Variants in RAPGEF5 observed in about 807,000 individuals in gnomAD.
The protein encoded by RAPGEF5 is Rap guanine nucleotide exchange factor 5, also known as M-Ras-regulated GEF.
A neutral mutation model predicts 125.2 loss-of-function variants in RAPGEF5; 65 were observed. The observed-to-expected ratio is 0.52, with a 90% CI of 0.43 to 0.64. RAPGEF5 has a LOEUF of 0.64. Ranked by LOEUF, RAPGEF5 falls within the 30% of genes least tolerant of loss-of-function variation. The pLI is 0.00. For synonymous variants in RAPGEF5, 391 were observed against 385.9 expected (o/e 1.01, Z -0.16); for missense variants, 958 against 1,048.1 (o/e 0.91, Z 1.19).
At chr7:22,248,442 C>T (rs904605540) in intron 7 of RAPGEF5, among the ~76,000 whole-genome samples, 2 of 152,150 alleles carry the variant, frequency 1.3e-5, no homozygotes, top group Non-Finnish European at 2.9e-5. Flanking sequence ...GTCCAAACTT[C>T]CAGACTGGGT....
At chr7:22,124,570 A>G (rs1037823139) in intron 25 of RAPGEF5, among the ~76,000 whole-genome samples, 3 of 152,230 alleles carry the variant, frequency 2.0e-5, no homozygotes, top group African/African-American at 7.2e-5. Context: ...TGAACAGAAA[A>G]AAATTCTTAA....
Position 22,301,488 on chromosome 7 carries a change from G to A in RAPGEF5, c.680+6851C>T, listed in dbSNP as rs367771586. On this transcript the variant is annotated intron_variant, in intron 5 of 25. Coordinates refer to ENST00000665637, the MANE Select transcript of RAPGEF5 (RefSeq NM_012294.5). ...AAATTAGCTGGGCGTGGTGGCGGGC[G>A]CCTGTAGTCCCAGCTACTTGAGAGG... Among the ~76,000 whole-genome samples the A allele has an allele frequency of 6.5e-4, 99 of 151,962 alleles. 2 individuals carry two copies. Among genetic ancestry groups the A allele is most frequent in the African/African-American group, 2.2e-3 (92 of 41,462 alleles).
chr7:22,156,130 C>T (rs1243049915), intron 16 of RAPGEF5, among the ~76,000 whole-genome samples: 4 of 152,162 alleles, frequency 2.6e-5, no homozygotes, highest in Admixed American at 6.5e-5. Flanking sequence ...AATGATCACA[C>T]TCAGAATTTC....
At chr7:22,160,482 T>C (rs1783951471) in intron 14 of RAPGEF5, 36 bp downstream of exon 14, 1 of 1,524,818 alleles carries the variant, frequency 6.6e-7, no homozygotes, top group Admixed American at 2.1e-5. Context: ...TGCTGTTTTC[T>C]TTCATTAACT....
chr7:22,220,929 G>C (rs1355980245), intron 8 of RAPGEF5, among the ~76,000 whole-genome samples: 1 of 152,120 alleles, frequency 6.6e-6, no homozygotes, highest in East Asian at 1.9e-4. Context: ...ATACAGCAAA[G>C]GGGCCGGCAA....
chr7:22,251,452 C>G (rs1459223178), intron 7 of RAPGEF5, among the ~76,000 whole-genome samples: 1 of 152,146 alleles, frequency 6.6e-6, no homozygotes, highest in Non-Finnish European at 1.5e-5. Flanking sequence ...ATCACAGATT[C>G]ATCTGGGAAG....
intron 1 of RAPGEF5, among the ~76,000 whole-genome samples, chr7:22,327,561 C>T (rs1019869326): frequency 6.6e-6 from 1 of 152,206 alleles, no homozygotes; most frequent in African/African-American, 2.4e-5. Context: ...ATCCTCTCCT[C>T]CCGGGAGGCA....
rs1011798914 is a variant in RAPGEF5, at chr7:22,357,131, G to T, written c.-71C>A. On this transcript the variant is annotated 5_prime_UTR_variant, in exon 1 of 26. Coordinates refer to ENST00000665637, the MANE Select transcript of RAPGEF5 (RefSeq NM_012294.5). The stretch of plus-strand genomic sequence containing the variant: ...GCCTCCGCGCGCCGTCCGCGCCTTC[G>T]CCAGGAAGCGAGAGGGCGCGACTGC... The T allele has an allele frequency of 7.0e-6, 6 of 858,594 alleles. No homozygotes were observed. Among genetic ancestry groups the T allele is most frequent in the African/African-American group, 5.5e-5 (3 of 54,394 alleles). 53.2% of individuals were successfully genotyped at this position (858,594 alleles called of 1,614,324 possible). A position where few individuals can be genotyped will look rare whatever the true frequency, so the allele number is the denominator to read the frequency against.
intron 19 of RAPGEF5, among the ~76,000 whole-genome samples, chr7:22,146,386 G>A (rs1783439871): frequency 6.6e-6 from 1 of 152,070 alleles, no homozygotes; most frequent in Non-Finnish European, 1.5e-5. Context: ...GTTATAATCT[G>A]TCCTCAAGTG....
At chr7:22,326,477 C>A (rs917689104) in intron 1 of RAPGEF5, among the ~76,000 whole-genome samples, 1 of 152,166 alleles carries the variant, frequency 6.6e-6, no homozygotes, top group African/African-American at 2.4e-5. Context: ...CTATCTGGAC[C>A]TTTACAGAAA....
At chr7:22,163,401 A>G (rs1282605828) in intron 12 of RAPGEF5, among the ~76,000 whole-genome samples, 2 of 152,222 alleles carry the variant, frequency 1.3e-5, no homozygotes, top group East Asian at 3.8e-4. Context: ...TGCACAATGT[A>G]TTGTTGAGTA....
At chr7:22,340,336 C>T (rs12531676) in intron 1 of RAPGEF5, among the ~76,000 whole-genome samples, 12,906 of 152,162 alleles carry the variant, frequency 0.085, 634 homozygotes, top group South Asian at 0.17. Flanking sequence ...CCAAAGGAAA[C>T]CTAACCCAAA....
chr7:22,147,454 C>T (rs921042884), intron 18 of RAPGEF5, among the ~76,000 whole-genome samples: 1 of 152,190 alleles, frequency 6.6e-6, no homozygotes, highest in Non-Finnish European at 1.5e-5. Flanking sequence ...ATGGCGTTTA[C>T]AGGAAATACG....
intron 9 of RAPGEF5, among the ~76,000 whole-genome samples, chr7:22,200,858 A>G (rs11765156): frequency 0.4 from 60,530 of 152,140 alleles, 12,180 homozygotes; most frequent in East Asian, 0.5. Context: ...ATAGGGCAGA[A>G]AAGATGGGAT....
At chr7:22,265,919 A>G (rs969401586) in intron 7 of RAPGEF5, among the ~76,000 whole-genome samples, 1 of 152,100 alleles carries the variant, frequency 6.6e-6, no homozygotes, top group African/African-American at 2.4e-5. Flanking sequence ...CCTTCTGTTC[A>G]ATACCCAAGA....
rs1782572105 is a variant in RAPGEF5 at position 22,121,218 on chromosome 7, C to CA, written c.*1187dup. ...GGGAATAATAAGATTTTAGAAGACT[C>CA]AGATTTTGAAAAAAAAAAAAAAAAA... is the stretch of plus-strand genomic sequence containing the variant. On this transcript the variant is annotated 3_prime_UTR_variant, in exon 26 of 26. Transcript: ENST00000665637. 1 of 120,024 alleles carries CA rather than the reference C, an allele frequency of 8.3e-6. No homozygotes were observed. The highest frequency in any genetic ancestry group is 3.3e-5 in the African/African-American group (1 of 29,908). The allele number at this position is 120,024 out of a possible 1,614,324, so 7.4% of individuals were successfully genotyped here. A position where few individuals can be genotyped will look rare whatever the true frequency, so the allele number is the denominator to read the frequency against.
Position 22,119,383 on chromosome 7 carries a change from G to T in RAPGEF5, c.*3023C>A, listed in dbSNP as rs1782511884. 6.6e-6 allele frequency: 1 copy of T among 152,036 alleles called. No homozygotes were observed. 9.4% of individuals were successfully genotyped at this position (152,036 alleles called of 1,614,324 possible). On this transcript the variant is annotated 3_prime_UTR_variant, in exon 26 of 26. Coordinates refer to ENST00000665637, the MANE Select transcript of RAPGEF5 (RefSeq NM_012294.5). The surrounding 1 kb of genome is among the most constrained non-coding windows in gnomAD (Gnocchi z 4.1). Reference sequence around the variant, plus strand: ...ATGAATTTATTCTAAACATAATTAAGGAAACTAGAAAAAAGTGAATGCAGG... The same window carrying T: ...ATGAATTTATTCTAAACATAATTAATGAAACTAGAAAAAAGTGAATGCAGG...
chr7:22,241,654 G>A (rs1254348376), intron 7 of RAPGEF5, among the ~76,000 whole-genome samples: 1 of 152,072 alleles, frequency 6.6e-6, no homozygotes, highest in Non-Finnish European at 1.5e-5. Context: ...AAGGAGGGAT[G>A]GATTTAAACT....
intron 7 of RAPGEF5, among the ~76,000 whole-genome samples, chr7:22,237,508 A>G (rs2128135599): frequency 6.6e-6 from 1 of 150,680 alleles, no homozygotes; most frequent in Admixed American, 6.6e-5. Flanking sequence ...ATTGAAACTT[A>G]CCAGATCACT....
Sources: allele counts gnomAD v4.1 joint callset (sites outside exome capture counted in the v4.1 genomes callset), GRCh38; gene constraint gnomAD v4.1.1; non-coding constraint Gnocchi (gnomAD v3.1); transcripts MANE v1.5; gene names NCBI Gene and HGNC (gene_info 2026-07-23, HGNC 2026-07-21).